Variants in POLA1 observed in about 807,000 individuals in gnomAD.
POLA1 encodes DNA polymerase alpha catalytic subunit.
Under a neutral mutation model 124.0 loss-of-function variants are expected in POLA1, and 15 were observed. That is an observed-to-expected ratio of 0.12 (90% CI 0.08 to 0.19). The LOEUF (loss-of-function observed/expected upper bound fraction) is 0.19, where lower values mean the gene tolerates loss of function less well. Among genes scored for constraint, POLA1 ranks in the 10% least tolerant of loss-of-function variants. The pLI is 1.00. For synonymous variants in POLA1, 408 were observed against 389.4 expected (o/e 1.05, Z -0.56); for missense variants, 886 against 1,103.4 (o/e 0.80, Z 2.79).
intron 26 of POLA1, among the ~76,000 whole-genome samples, chrX:24,781,993 C>T (rs774078449): frequency 1.8e-5 from 2 of 111,610 alleles, no homozygotes; most frequent in Non-Finnish European, 3.8e-5. Flanking sequence ...AGGAGCCATG[C>T]ACTGTTCTAG....
At chrX:24,872,629 A>G (rs1056886750) in intron 34 of POLA1, among the ~76,000 whole-genome samples, 3 of 111,617 alleles carry the variant, frequency 2.7e-5, no homozygotes, top group African/African-American at 6.5e-5. Flanking sequence ...TTTTGGTGCA[A>G]AAATATTTGG....
At chrX:24,749,693 A>C (rs1323178546) in intron 26 of POLA1, among the ~76,000 whole-genome samples, 1 of 112,034 alleles carries the variant, frequency 8.9e-6, no homozygotes, top group Non-Finnish European at 1.9e-5. Context: ...ATAGAATTCC[A>C]GACATAATAA....
chrX:24,730,912 A>G (rs1401582833), intron 15 of POLA1, among the ~76,000 whole-genome samples: 2 of 112,463 alleles, frequency 1.8e-5, no homozygotes, highest in African/African-American at 3.2e-5. Flanking sequence ...AACACATGCT[A>G]TACCTCAGGC....
intron 4 of POLA1, among the ~76,000 whole-genome samples, chrX:24,704,890 A>C (rs1402145487): frequency 8.9e-6 from 1 of 112,240 alleles, no homozygotes; most frequent in Non-Finnish European, 1.9e-5. Context: ...GCTTTGTCTA[A>C]TTGAAATTTA....
At chrX:24,730,221 C>A (rs1182664545) in intron 15 of POLA1, among the ~76,000 whole-genome samples, 1 of 111,395 alleles carries the variant, frequency 9.0e-6, no homozygotes, top group Non-Finnish European at 1.9e-5. Flanking sequence ...ATGAGGTTTC[C>A]ACATTCCATT....
At chrX:24,955,290 A>C (rs1289907929) in intron 36 of POLA1, among the ~76,000 whole-genome samples, 1 of 108,483 alleles carries the variant, frequency 9.2e-6, no homozygotes, top group African/African-American at 3.4e-5. Context: ...CAGCCTCCTG[A>C]GTAGCTGGGA....
chrX:24,973,299 G>T (rs1298825428), intron 36 of POLA1, among the ~76,000 whole-genome samples: 1 of 110,743 alleles, frequency 9.0e-6, no homozygotes, highest in African/African-American at 3.3e-5. Flanking sequence ...CAGGAGGCGG[G>T]GTTTGCAGTG....
At chrX:24,952,429 G>A (rs1054299669) in intron 36 of POLA1, among the ~76,000 whole-genome samples, 1 of 111,813 alleles carries the variant, frequency 8.9e-6, no homozygotes, top group Non-Finnish European at 1.9e-5. Context: ...TCAAGTGTTT[G>A]ACCTGTTTTG....
At chrX:24,834,547 G>A (rs2046315614) in intron 32 of POLA1, among the ~76,000 whole-genome samples, 1 of 112,011 alleles carries the variant, frequency 8.9e-6, no homozygotes, top group Non-Finnish European at 1.9e-5. Context: ...CAAGGCGGGT[G>A]GATTACTTGA....
At chrX:24,884,845 G>A (rs760007380) in intron 34 of POLA1, among the ~76,000 whole-genome samples, 60 of 111,578 alleles carry the variant, frequency 5.4e-4, no homozygotes, top group African/African-American at 1.9e-3. Context: ...AGGTGACAAA[G>A]GAAAAAAGAC....
intron 36 of POLA1, among the ~76,000 whole-genome samples, chrX:24,975,601 G>T (rs997689720): frequency 3.6e-5 from 4 of 111,910 alleles, no homozygotes; most frequent in Non-Finnish European, 7.5e-5. Context: ...GTAGCCTCTG[G>T]AAACTCCACT....
chrX:24,920,559 A>T (rs1051143461), intron 35 of POLA1, among the ~76,000 whole-genome samples: 1 of 112,067 alleles, frequency 8.9e-6, no homozygotes, highest in Non-Finnish European at 1.9e-5. Context: ...AAATGCATCA[A>T]TAAAAAGTGG....
chrX:24,770,714 A>AG (rs1198959444), intron 26 of POLA1, among the ~76,000 whole-genome samples: 2 of 111,016 alleles, frequency 1.8e-5, no homozygotes, highest in Non-Finnish European at 3.8e-5. Flanking sequence ...GTGGCAGGGA[A>AG]GGGGGGTTCT....
At chrX:24,863,028 T>G (rs2046738672) in intron 34 of POLA1, among the ~76,000 whole-genome samples, 1 of 112,242 alleles carries the variant, frequency 8.9e-6, no homozygotes, top group African/African-American at 3.2e-5. Context: ...TTTTAAACTC[T>G]GAAAATTTTA....
intron 18 of POLA1, 65 bp from the exon 19 acceptor site, chrX:24,737,560 A>G (rs960910175): frequency 3.4e-6 from 2 of 583,492 alleles, no homozygotes; most frequent in East Asian, 3.3e-5. Context: ...TTCTGTGCGT[A>G]TGAAGATAAA....
rs745436702 is a variant in POLA1, at chrX:24,811,134, T to C, written c.3090+334T>C. ...CCAGCTAATTAAAAAACAATTTTTT[T>C]TGTAGAGATTTTTTTTGCCCAGGCT... On this transcript the variant is annotated intron_variant, in intron 28 of 36. Transcript: ENST00000379068. Among the ~76,000 whole-genome samples the C allele has an allele frequency of 1.8e-4, 20 of 110,464 alleles. No homozygotes were observed. The East Asian group carries it at 5.7e-3, about 32-fold the overall frequency.
chrX:24,838,875 G>A (rs759689076), intron 32 of POLA1, among the ~76,000 whole-genome samples: 2 of 112,164 alleles, frequency 1.8e-5, no homozygotes, highest in African/African-American at 3.2e-5. Context: ...TGAGTTTAGG[G>A]TATAAGCAGT....
intron 32 of POLA1, among the ~76,000 whole-genome samples, chrX:24,830,707 T>C (rs1014029520): frequency 8.9e-6 from 1 of 112,319 alleles, no homozygotes; most frequent in Admixed American, 9.4e-5. Flanking sequence ...ATTCTGTGGA[T>C]GAAATATTCA....
At chrX:24,797,641 A>G (rs1042071864) in intron 26 of POLA1, among the ~76,000 whole-genome samples, 11 of 112,207 alleles carry the variant, frequency 9.8e-5, no homozygotes, top group African/African-American at 3.6e-4. Context: ...GAGTTTAGTA[A>G]ATACTGTTGG....
Sources: gnomAD v4.1 joint callset for allele counts (sites outside exome capture counted in the v4.1 genomes callset) on GRCh38, gnomAD v4.1.1 for gene constraint, MANE v1.5 for transcripts, NCBI Gene and HGNC (gene_info 2026-07-23, HGNC 2026-07-21) for gene names.